The following CHN1 variants were observed in gnomAD, a reference collection of about 807,000 sequenced individuals.
The protein encoded by CHN1 is N-chimaerin.
Under a neutral mutation model 59.5 loss-of-function variants are expected in CHN1, and 37 were observed. The observed-to-expected ratio is 0.62, with a 90% CI of 0.48 to 0.82. The LOEUF (loss-of-function observed/expected upper bound fraction) is 0.82. Ranked by LOEUF, CHN1 falls within the 40% of genes least tolerant of loss-of-function variation. The probability of loss-of-function intolerance (pLI) is 0.00; values close to 1 mark genes in which losing one functional copy is unlikely to be tolerated. For synonymous variants in CHN1, 206 were observed against 200.4 expected (o/e 1.03, Z -0.24); for missense variants, 469 against 571.0 (o/e 0.82, Z 1.82).
chr2:174,948,976 G>C (rs1277851207), intron 2 of CHN1, among the ~76,000 whole-genome samples: 3 of 152,108 alleles, frequency 2.0e-5, no homozygotes, highest in Non-Finnish European at 2.9e-5. Context: ...TCTGGCCTAA[G>C]ATTGTCATGG....
At chr2:174,931,695 A>G (rs1249656800) in intron 3 of CHN1, among the ~76,000 whole-genome samples, 3 of 152,262 alleles carry the variant, frequency 2.0e-5, no homozygotes, top group African/African-American at 7.2e-5. Context: ...AGACAAGACA[A>G]AGTAGAACAG....
chr2:174,915,032 G>C, intron 5 of CHN1, 26 bp downstream of exon 5: 1 of 1,381,308 alleles, frequency 7.2e-7, no homozygotes, highest in Non-Finnish European at 1.0e-6. Flanking sequence ...ATAAAGCACA[G>C]TAGTAATTGC....
chr2:174,995,287 T>C (rs1691671196), intron 1 of CHN1, among the ~76,000 whole-genome samples: 1 of 152,154 alleles, frequency 6.6e-6, no homozygotes, highest in Admixed American at 6.5e-5. Context: ...TCTGAAAAAA[T>C]TAAATGAACA....
At chr2:174,988,782 A>G (rs1691438185) in intron 1 of CHN1, among the ~76,000 whole-genome samples, 1 of 152,238 alleles carries the variant, frequency 6.6e-6, no homozygotes, top group Non-Finnish European at 1.5e-5. Context: ...TTAACAATAA[A>G]TTATTTTTAT....
Position 174,944,891 on chromosome 2 carries a change from G to GC in CHN1, c.110dup (p.Cys37TrpfsTer31). ...GTAGCAGTTTCATTACACCCACCTC[G>GC]CAAGTACAGGTAATTCTTCGAGGAT... On this transcript the variant is annotated frameshift_variant, in exon 3 of 13. Coordinates refer to ENST00000409900, the MANE Select transcript of CHN1 (RefSeq NM_001822.7). LOFTEE classifies it high-confidence loss of function. 1 of 1,580,174 alleles carries GC rather than the reference G, an allele frequency of 6.3e-7. No homozygotes were observed. The highest frequency in any genetic ancestry group is 8.6e-7 in the Non-Finnish European group (1 of 1,161,366).
chr2:174,809,749 C>T lies in CHN1; in HGVS notation c.965-707G>A, dbSNP rs192216101. The stretch of plus-strand genomic sequence containing the variant: ...GGGCTATACCATATCAGCAAGACGT[C>T]TATAACATCTCTGTTTCCTGATTGT... On this transcript the variant is annotated intron_variant, in intron 10 of 12. Transcript: ENST00000409900. Among the ~76,000 whole-genome samples, 235 of 152,318 alleles carry T rather than the reference C, an allele frequency of 1.5e-3. 1 individual carries two copies. Among genetic ancestry groups the T allele is most frequent in the African/African-American group, 5.2e-3 (215 of 41,570 alleles).
intron 8 of CHN1, among the ~76,000 whole-genome samples, chr2:174,819,412 A>G (rs1417835680): frequency 1.3e-5 from 2 of 152,204 alleles, no homozygotes; most frequent in Non-Finnish European, 2.9e-5. Flanking sequence ...TAAATAACCA[A>G]CATTAAACTG....
intron 6 of CHN1, chr2:174,847,738 C>A (rs1686578228): frequency 1.3e-6 from 1 of 771,302 alleles, no homozygotes; most frequent in African/African-American, 2.1e-5. Context: ...GTTTCTCCCT[C>A]CTCTCATGTA....
chr2:174,804,803 G>A (rs1168661008), intron 11 of CHN1, among the ~76,000 whole-genome samples: 1 of 152,228 alleles, frequency 6.6e-6, no homozygotes, highest in Admixed American at 6.5e-5. Flanking sequence ...TGAGATGCCT[G>A]TCAGGCATTC....
At chr2:174,969,805 T>C in intron 1 of CHN1, among the ~76,000 whole-genome samples, 1 of 152,170 alleles carries the variant, frequency 6.6e-6, no homozygotes. Context: ...AGGGCAGGAT[T>C]TTTTTGTCAT....
At chr2:174,911,845 C>G (rs1688712471) in intron 5 of CHN1, among the ~76,000 whole-genome samples, 1 of 152,156 alleles carries the variant, frequency 6.6e-6, no homozygotes, top group Non-Finnish European at 1.5e-5. Context: ...ACCTTACAAC[C>G]TTGCTGATCA....
chr2:174,861,996 A>C (rs1687081906), intron 6 of CHN1, among the ~76,000 whole-genome samples: 1 of 152,212 alleles, frequency 6.6e-6, no homozygotes, highest in African/African-American at 2.4e-5. Context: ...GGCAGTATCT[A>C]TCATTAGTAA....
chr2:174,962,130 C>A (rs1001305436), intron 1 of CHN1, among the ~76,000 whole-genome samples: 3 of 151,890 alleles, frequency 2.0e-5, no homozygotes, highest in Admixed American at 6.6e-5. Flanking sequence ...ACTAAAAATA[C>A]GAAAATTAGC....
At chr2:174,824,321 A>G in intron 8 of CHN1, 113 bp downstream of exon 8, 1 of 711,464 alleles carries the variant, frequency 1.4e-6, no homozygotes, top group Admixed American at 2.9e-5. Context: ...GCATGTGCAT[A>G]AGACCAAACC....
At chr2:174,848,066 G>C (rs1420216907) in intron 6 of CHN1, among the ~76,000 whole-genome samples, 1 of 152,096 alleles carries the variant, frequency 6.6e-6, no homozygotes, top group Non-Finnish European at 1.5e-5. Flanking sequence ...AGTTTAACTA[G>C]GTATCATACT....
intron 8 of CHN1, 85 bp downstream of exon 8, chr2:174,824,349 A>C: frequency 9.4e-6 from 9 of 952,664 alleles, no homozygotes; most frequent in African/African-American, 1.6e-5. Context: ...AGCCTACTGG[A>C]TATGCATAAC....
chr2:174,838,739 G>C (rs1200716927), intron 7 of CHN1, among the ~76,000 whole-genome samples: 1 of 152,076 alleles, frequency 6.6e-6, no homozygotes, highest in Non-Finnish European at 1.5e-5. Context: ...TACAGGCCAG[G>C]TGCAGTGGTT....
At chr2:174,896,214 C>G (rs547499078) in intron 5 of CHN1, among the ~76,000 whole-genome samples, 2 of 152,078 alleles carry the variant, frequency 1.3e-5, no homozygotes, top group African/African-American at 4.8e-5. Context: ...TGAGGTAGAA[C>G]TGAATACTGC....
intron 6 of CHN1, chr2:174,875,905 T>C: frequency 1.2e-6 from 1 of 814,960 alleles, no homozygotes; most frequent in Non-Finnish European, 1.5e-6. Context: ...GAGTAGATTT[T>C]AAGCCAGCTA....
Sources: allele counts gnomAD v4.1 joint callset (sites outside exome capture counted in the v4.1 genomes callset), GRCh38; gene constraint gnomAD v4.1.1; transcripts MANE v1.5; gene names NCBI Gene and HGNC (gene_info 2026-07-23, HGNC 2026-07-21).